The following CPNE4 variants were observed in gnomAD, a reference collection of about 807,000 sequenced individuals.
CPNE4 encodes the protein copine-4.
A neutral mutation model predicts 67.9 loss-of-function variants in CPNE4; 25 were observed. That is an observed-to-expected ratio of 0.37 (90% CI 0.27 to 0.51). The LOEUF is 0.51. Among genes scored for constraint, CPNE4 ranks in the 20% least tolerant of loss-of-function variants. CPNE4 has a pLI of 0.93. For synonymous variants in CPNE4, 242 were observed against 244.9 expected, an observed-to-expected ratio of 0.99 and a Z score of 0.11; for missense variants, 464 against 690.8, an observed-to-expected ratio of 0.67 and a Z score of 3.68.
intron 2 of CPNE4, among the ~76,000 whole-genome samples, chr3:131,881,320 T>C (rs2087666131): frequency 6.6e-6 from 1 of 152,310 alleles, no homozygotes; most frequent in Non-Finnish European, 1.5e-5. Flanking sequence ...TACTCAATCA[T>C]AGAATTGTCC....
At chr3:131,917,139 G>C (rs2089209286) in intron 1 of CPNE4, among the ~76,000 whole-genome samples, 1 of 152,200 alleles carries the variant, frequency 6.6e-6, no homozygotes, top group African/African-American at 2.4e-5. Context: ...GGCAACTCAT[G>C]AGGAAAGACC....
At position 131,962,650 on chromosome 3, in the gene CPNE4, G is replaced by T. The variant is rs1260219534; in HGVS notation, c.-1-57206C>A. Among the ~76,000 whole-genome samples, 8 of 152,030 alleles carry T rather than the reference G, an allele frequency of 5.3e-5. No homozygotes were observed. The South Asian group carries it at 1.7e-3, about 32-fold the overall frequency. ...TATAAGAACTTAAACATTTATAATT[G>T]AATATTTATCTAAACCATGAAATCC... On this transcript the variant is annotated intron_variant, in intron 1 of 15. Coordinates refer to ENST00000429747, the MANE Select transcript of CPNE4 (RefSeq NM_130808.3).
chr3:131,665,687 A>ACAAAC (rs59729171), intron 7 of CPNE4, among the ~76,000 whole-genome samples: 32 of 140,290 alleles, frequency 2.3e-4, no homozygotes, highest in Admixed American at 2.2e-3. Context: ...AAACAAACAA[A>ACAAAC]AAACAGAAAG....
intron 15 of CPNE4, among the ~76,000 whole-genome samples, chr3:131,542,182 G>A (rs761634497): frequency 6.6e-6 from 1 of 152,120 alleles, no homozygotes; most frequent in Non-Finnish European, 1.5e-5. Context: ...CTTTGGGCAG[G>A]CACCTTTAGG....
rs573986166 is a variant in CPNE4 at position 131,888,113 on chromosome 3, A to G, written c.180+17151T>C. 2.9e-4 allele frequency among the ~76,000 whole-genome samples: 44 copies of G among 152,358 alleles called. 1 individual carries two copies. The highest frequency in any genetic ancestry group is 4.4e-5 in the Non-Finnish European group (3 of 68,030). ...ATAAGTAATCCACTGTGTTCTGCCTAAAATCCTGAAGCACAGAATCCATGA... is the reference window on the plus strand; with the variant it reads ...ATAAGTAATCCACTGTGTTCTGCCTGAAATCCTGAAGCACAGAATCCATGA... On this transcript the variant is annotated intron_variant, in intron 2 of 15. Coordinates refer to ENST00000429747, the MANE Select transcript of CPNE4 (RefSeq NM_130808.3).
At chr3:132,011,289 G>C (rs539737134) in intron 1 of CPNE4, among the ~76,000 whole-genome samples, 1 of 152,312 alleles carries the variant, frequency 6.6e-6, no homozygotes, top group South Asian at 2.1e-4. Flanking sequence ...ACTGGGATCA[G>C]ATTGACAACC....
At chr3:131,831,761 C>T (rs906285969) in intron 2 of CPNE4, among the ~76,000 whole-genome samples, 10 of 151,968 alleles carry the variant, frequency 6.6e-5, no homozygotes, top group Admixed American at 2.6e-4. Flanking sequence ...CACTAGTGTC[C>T]GAGGGTGGTT....
chr3:132,033,636 A>G (rs2074287827), intron 1 of CPNE4, among the ~76,000 whole-genome samples: 1 of 152,186 alleles, frequency 6.6e-6, no homozygotes, highest in African/African-American at 2.4e-5. Flanking sequence ...CTGAAAGGCA[A>G]TCCGCCAAGG....
chr3:131,821,848 TCCTTATG>T (rs1479655690), intron 2 of CPNE4, among the ~76,000 whole-genome samples: 1 of 152,132 alleles, frequency 6.6e-6, no homozygotes, highest in African/African-American at 2.4e-5. Context: ...TCCTCAGGGG[TCCTTATG>T]CCTCCCATTT....
intron 2 of CPNE4, among the ~76,000 whole-genome samples, chr3:131,807,465 A>G (rs1206665312): frequency 6.6e-6 from 1 of 152,208 alleles, no homozygotes; most frequent in Non-Finnish European, 1.5e-5. Context: ...CAGTGTATGC[A>G]TGAACTAGGG....
intron 1 of CPNE4, among the ~76,000 whole-genome samples, chr3:131,946,167 T>C (rs1224514148): frequency 1.3e-5 from 2 of 152,128 alleles, no homozygotes; most frequent in African/African-American, 4.8e-5. Flanking sequence ...CATTAAGCAG[T>C]TTCTCCCCAT....
intron 2 of CPNE4, among the ~76,000 whole-genome samples, chr3:131,756,511 A>G (rs1229579772): frequency 2.0e-5 from 3 of 152,186 alleles, no homozygotes; most frequent in Admixed American, 6.5e-5. Flanking sequence ...ACATTGCATT[A>G]TCATTCATCC....
intron 2 of CPNE4, 42 bp from the exon 3 acceptor site, chr3:131,723,667 T>C: frequency 6.5e-7 from 1 of 1,538,036 alleles, no homozygotes; most frequent in Non-Finnish European, 8.9e-7. Context: ...TAAGGATTAT[T>C]TTTATTATTA....
intron 2 of CPNE4, among the ~76,000 whole-genome samples, chr3:131,789,005 GAC>G (rs150450935): frequency 0.069 from 9,228 of 133,584 alleles, 582 homozygotes; most frequent in African/African-American, 0.17. Context: ...AACTCAACCA[GAC>G]ACACACACAC....
At chr3:131,964,542 G>A (rs2072285423) in intron 1 of CPNE4, among the ~76,000 whole-genome samples, 1 of 151,856 alleles carries the variant, frequency 6.6e-6, no homozygotes, top group African/African-American at 2.4e-5. Flanking sequence ...ACCTGATGGA[G>A]CTGAAAAACA....
At chr3:131,716,544 G>T (rs750231536) in intron 3 of CPNE4, among the ~76,000 whole-genome samples, 2 of 152,114 alleles carry the variant, frequency 1.3e-5, no homozygotes, top group Non-Finnish European at 2.9e-5. Context: ...CGCCCAGGAC[G>T]TAGGTGCTCT....
At chr3:132,004,620 T>C (rs2073538578) in intron 1 of CPNE4, among the ~76,000 whole-genome samples, 2 of 151,854 alleles carry the variant, frequency 1.3e-5, no homozygotes, top group Non-Finnish European at 2.9e-5. Context: ...TGTGAAACAG[T>C]ATTAAGAAAG....
intron 2 of CPNE4, among the ~76,000 whole-genome samples, chr3:131,739,976 C>T (rs1342199677): frequency 2.0e-5 from 3 of 152,196 alleles, no homozygotes; most frequent in African/African-American, 7.2e-5. Context: ...AATTCTTTTT[C>T]AAGAATAGTA....
chr3:131,773,213 G>T (rs1305316637), intron 2 of CPNE4, among the ~76,000 whole-genome samples: 3 of 152,166 alleles, frequency 2.0e-5, no homozygotes, highest in African/African-American at 7.2e-5. Flanking sequence ...CATATTTGTA[G>T]AGAGGAATAT....
Sources: allele counts gnomAD v4.1 joint callset (sites outside exome capture counted in the v4.1 genomes callset), GRCh38; gene constraint gnomAD v4.1.1; transcripts MANE v1.5; gene names NCBI Gene and HGNC (gene_info 2026-07-23, HGNC 2026-07-21).